The following ABR variants were observed in gnomAD, a reference collection of about 807,000 sequenced individuals.
ABR encodes ABR activator of RhoGEF and GTPase.
ABR carries 35 observed loss-of-function variants against 107.2 expected under a neutral mutation model. That is an observed-to-expected ratio of 0.33 (90% CI 0.25 to 0.43). The LOEUF (loss-of-function observed/expected upper bound fraction) is 0.43, where lower values mean the gene tolerates loss of function less well. ABR is among the 20% of genes least tolerant of loss of function. The probability of loss-of-function intolerance (pLI) is 1.00; values close to 1 mark genes in which losing one functional copy is unlikely to be tolerated. For missense variants in ABR, 815 were observed against 1,115.2 expected (o/e 0.73, Z 3.83); for synonymous variants, 498 against 462.0 (o/e 1.08, Z -1.00).
chr17:1,024,024 C>CAAAAAAAAAAAAAAAAAAAAAAA (rs11334940), intron 16 of ABR, among the ~76,000 whole-genome samples: 13 of 47,676 alleles, frequency 2.7e-4, no homozygotes, highest in Non-Finnish European at 4.3e-4. Context: ...GACTCCATCT[C>CAAAAAAAAAAAAAAAAAAAAAAA]AAAAAAAAAA....
intron 13 of ABR, among the ~76,000 whole-genome samples, chr17:1,056,486 T>C (rs1382839864): frequency 6.6e-6 from 1 of 152,158 alleles, no homozygotes; most frequent in East Asian, 1.9e-4. Context: ...AAGCTTGCCT[T>C]CAGGACCCCG....
intron 16 of ABR, chr17:1,031,605 C>T (rs751976140): frequency 7.7e-6 from 9 of 1,161,886 alleles, no homozygotes; most frequent in South Asian, 6.9e-5. Context: ...CACCTTGTTT[C>T]GGAGCAGCTT....
At position 1,004,752 on chromosome 17, in the gene ABR, C is replaced by T. The variant is rs778641157; in HGVS notation, c.*1328G>A. The T allele has an allele frequency of 5.7e-5, 18 of 317,526 alleles. No individual in the cohort carries two copies. The highest frequency in any genetic ancestry group is 9.2e-5 in the Non-Finnish European group (16 of 174,192). 19.7% of individuals were successfully genotyped at this position (317,526 alleles called of 1,614,324 possible). A position where few individuals can be genotyped will look rare whatever the true frequency, so the allele number is the denominator to read the frequency against. On this transcript the variant is annotated 3_prime_UTR_variant, in exon 23 of 23. Coordinates refer to ENST00000302538, the MANE Select transcript of ABR (RefSeq NM_021962.5). ...CCCCTAGAGGCGGCTGTCTGATTCC[C>T]CACTCTCCCCACAACTTCTGGAGTT...
chr17:1,204,321 T>G (rs926638254), intron 1 of ABR, among the ~76,000 whole-genome samples: 1 of 152,170 alleles, frequency 6.6e-6, no homozygotes, highest in African/African-American at 2.4e-5. Context: ...GGTGCGCGCC[T>G]GTAATCCCAG....
chr17:1,187,455 C>T (rs74494797), upstream of ABR: 5,270 of 152,420 alleles, frequency 0.035, 130 homozygotes, highest in East Asian at 0.13. Context: ...AAATCTCCAG[C>T]TTGGACACAG....
intron 16 of ABR, among the ~76,000 whole-genome samples, chr17:1,028,132 C>G (rs2072370463): frequency 6.6e-6 from 1 of 152,118 alleles, no homozygotes; most frequent in Admixed American, 6.5e-5. Context: ...GCTCTGTTGC[C>G]CAGGCTGGAG....
chr17:1,087,245 C>T (rs1005080829), intron 4 of ABR, among the ~76,000 whole-genome samples: 1 of 152,210 alleles, frequency 6.6e-6, no homozygotes, highest in African/African-American at 2.4e-5. Context: ...CTGTGGACCC[C>T]CACCCCGGAC....
rs2032376108 is a variant in ABR at position 1,050,674 on chromosome 17, G to A, written c.1562-40C>T. 3.2e-6 allele frequency: 5 copies of A among 1,559,418 alleles called. No individual in the cohort carries two copies. The highest frequency in any genetic ancestry group is 4.4e-6 in the Non-Finnish European group (5 of 1,131,430). ...CAGACGGAGATACTGAGTGAGTGGG[G>A]CCAGGGTGGGGCAGCTGGGGCGGCA... On this transcript the variant is annotated intron_variant, in intron 14 of 22. Coordinates refer to ENST00000302538, the MANE Select transcript of ABR (RefSeq NM_021962.5). The surrounding 1 kb of genome is among the most constrained non-coding windows in gnomAD (Gnocchi z 4.6).
chr17:1,146,058 G>A (rs1175633514), intron 1 of ABR, among the ~76,000 whole-genome samples: 2 of 152,152 alleles, frequency 1.3e-5, no homozygotes, highest in South Asian at 2.1e-4. Context: ...CCAGAGCACC[G>A]GTGACTGTGA....
chr17:1,213,181 G>C (rs1252286418), intron 1 of ABR, among the ~76,000 whole-genome samples: 1 of 152,186 alleles, frequency 6.6e-6, no homozygotes, highest in Non-Finnish European at 1.5e-5. Flanking sequence ...CTCAGGGTGG[G>C]AGACAGCTCA....
chr17:1,041,837 G>A (rs1162233684), intron 16 of ABR, among the ~76,000 whole-genome samples: 2 of 152,266 alleles, frequency 1.3e-5, no homozygotes, highest in East Asian at 1.9e-4. Context: ...GTCTGCATTC[G>A]ATGCACCTAA....
intron 3 of ABR, among the ~76,000 whole-genome samples, chr17:1,093,929 C>T (rs1034130421): frequency 6.6e-6 from 1 of 152,196 alleles, no homozygotes; most frequent in African/African-American, 2.4e-5. Flanking sequence ...ACAATCCATG[C>T]AGGACAAAGC....
chr17:1,144,085 C>T (rs933260148), intron 1 of ABR, among the ~76,000 whole-genome samples: 8 of 152,108 alleles, frequency 5.3e-5, no homozygotes, highest in Non-Finnish European at 1.0e-4. Flanking sequence ...ATTAAAGCTA[C>T]TCTTTGCACC....
At position 1,120,864 on chromosome 17, in the gene ABR, C is replaced by A. The variant is rs187903760; in HGVS notation, c.246+4319G>T. ...GGTAGAGTGGGGACAAAACCCAGTT[C>A]TTCTCTCTGCCTTGTAGCCCCTTTT... On this transcript the variant is annotated intron_variant, in intron 2 of 22. Transcript: ENST00000302538. Among the ~76,000 whole-genome samples the A allele has an allele frequency of 1.9e-3, 287 of 152,328 alleles. 2 individuals are homozygous for A. Among genetic ancestry groups the A allele is most frequent in the African/African-American group, 6.7e-3 (277 of 41,566 alleles).
intron 1 of ABR, among the ~76,000 whole-genome samples, chr17:1,220,496 G>T (rs1329173075): frequency 1.3e-5 from 2 of 152,148 alleles, no homozygotes; most frequent in Non-Finnish European, 2.9e-5. Context: ...GACTCACGTG[G>T]TGTAAATACA....
chr17:1,035,999 C>T (rs951451596), intron 16 of ABR, among the ~76,000 whole-genome samples: 1 of 151,930 alleles, frequency 6.6e-6, no homozygotes, highest in South Asian at 2.1e-4. Flanking sequence ...GGGGCTGCCT[C>T]GGTGACAGCT....
chr17:1,005,744 A>G lies in ABR; in HGVS notation c.*336T>C. On this transcript the variant is annotated 3_prime_UTR_variant, in exon 23 of 23. Transcript: ENST00000302538. ...AAGAAAGTGCTGGAGGAAATGAAAG[A>G]ACAAAGCGGGCTGTCTGTGTGCCCA... 2.8e-6 allele frequency: 1 copy of G among 359,636 alleles called. No homozygotes were observed. The highest frequency in any genetic ancestry group is 5.1e-6 in the Non-Finnish European group (1 of 194,210). The allele number at this position is 359,636 out of a possible 1,614,324, so 22.3% of individuals were successfully genotyped here.
chr17:1,153,935 C>G (rs1291339957), intron 1 of ABR: 1 of 170,352 alleles, frequency 5.9e-6, no homozygotes, highest in African/African-American at 2.4e-5. Context: ...ACCATAGCAA[C>G]AGGCTCCCGC....
In ABR at chr17:1,088,742, T is replaced by G. The variant is rs368553593; in HGVS notation, c.531+2923A>C. The stretch of plus-strand genomic sequence containing the variant: ...TAGCTGGGATCACAGGTGCGTGTTA[T>G]CATGCCCGGCTAATTTTTGTATTTT... On this transcript the variant is annotated intron_variant, in intron 4 of 22. Transcript: ENST00000302538. Among the ~76,000 whole-genome samples, 10 of 151,102 alleles carry G rather than the reference T, an allele frequency of 6.6e-5. No homozygotes were observed. The East Asian group carries it at 9.9e-4, about 15-fold the overall frequency.
Sources: gnomAD v4.1 joint callset for allele counts (sites outside exome capture counted in the v4.1 genomes callset) on GRCh38, gnomAD v4.1.1 for gene constraint, Gnocchi (gnomAD v3.1) non-coding constraint, MANE v1.5 for transcripts, NCBI Gene and HGNC (gene_info 2026-07-23, HGNC 2026-07-21) for gene names.